Variants in TEX14 observed in about 807,000 individuals in gnomAD.
The protein encoded by TEX14 is testis expressed 14, intercellular bridge forming factor, also known as inactive serine/threonine-protein kinase TEX14.
In TEX14, 168 loss-of-function variants were observed where a neutral mutation model predicts 178.6. That is an observed-to-expected ratio of 0.94 (90% CI 0.83 to 1.07). The LOEUF (loss-of-function observed/expected upper bound fraction) is 1.07. Among genes scored for constraint, TEX14 ranks in the 50% least tolerant of loss-of-function variants. The probability of loss-of-function intolerance (pLI) is 0.00; values close to 1 mark genes in which losing one functional copy is unlikely to be tolerated. For synonymous variants in TEX14, 626 were observed against 634.1 expected (o/e 0.99, Z 0.19); for missense variants, 1,730 against 1,753.6 (o/e 0.99, Z 0.24).
intron 1 of TEX14, among the ~76,000 whole-genome samples, chr17:58,683,762 C>T (rs903469762): frequency 1.3e-4 from 10 of 75,722 alleles, no homozygotes; most frequent in Middle Eastern, 0.017. Flanking sequence ...GACTCCAGCT[C>T]AAAAAAAAAA....
chr17:58,573,816 G>GC (rs1250339231), intron 22 of TEX14, among the ~76,000 whole-genome samples: 3 of 152,126 alleles, frequency 2.0e-5, no homozygotes, highest in Non-Finnish European at 2.9e-5. Context: ...ACCACACCTG[G>GC]CACCATAGAG....
At chr17:58,649,627 T>G (rs1222748332) in intron 2 of TEX14, among the ~76,000 whole-genome samples, 5 of 152,194 alleles carry the variant, frequency 3.3e-5, no homozygotes, top group African/African-American at 1.2e-4. Flanking sequence ...ATAAATGTCA[T>G]AATACTCTGA....
chr17:58,606,282 G>A (rs191850596), intron 10 of TEX14, among the ~76,000 whole-genome samples: 30 of 152,224 alleles, frequency 2.0e-4, no homozygotes, highest in African/African-American at 6.7e-4. Flanking sequence ...AGAAACACTC[G>A]GTGAGCCATA....
intron 1 of TEX14, among the ~76,000 whole-genome samples, chr17:58,652,261 G>GT: frequency 6.6e-6 from 1 of 152,058 alleles, no homozygotes; most frequent in Non-Finnish European, 1.5e-5. Flanking sequence ...ATTTGATATG[G>GT]TTTGGCTCCA....
chr17:58,557,661 T>G, intron 31 of TEX14, 138 bp downstream of exon 31: 1 of 641,804 alleles, frequency 1.6e-6, no homozygotes, highest in Non-Finnish European at 2.7e-6. Flanking sequence ...AACACTAACA[T>G]TTTAAAAATT....
intron 1 of TEX14, among the ~76,000 whole-genome samples, chr17:58,670,116 T>C (rs2047279663): frequency 6.6e-6 from 1 of 152,202 alleles, no homozygotes; most frequent in South Asian, 2.1e-4. Flanking sequence ...CTAACTTCTC[T>C]TCCCACGCTG....
At position 58,621,566 on chromosome 17, in the gene TEX14, A is replaced by C. The variant is rs1028838658; in HGVS notation, c.554+84T>G. On this transcript the variant is annotated intron_variant, in intron 5 of 31. Coordinates refer to ENST00000349033, the MANE Select transcript of TEX14 (RefSeq NM_031272.5). Reference sequence around the variant, plus strand: ...ATGCCAGAGGGCACTGATGTGGAGGAGCTGAGGCAACCCATGCTGCAGGGC... The same window carrying C: ...ATGCCAGAGGGCACTGATGTGGAGGCGCTGAGGCAACCCATGCTGCAGGGC... 135 of 1,402,410 alleles carry C rather than the reference A, an allele frequency of 9.6e-5. No homozygotes were observed. The Admixed American group carries it at 2.7e-3, about 28-fold the overall frequency. The allele number at this position is 1,402,410 out of a possible 1,614,324, so 86.9% of individuals were successfully genotyped here. A position where few individuals can be genotyped will look rare whatever the true frequency, so the allele number is the denominator to read the frequency against.
chr17:58,688,807 C>T, intron 1 of TEX14, among the ~76,000 whole-genome samples: 1 of 151,744 alleles, frequency 6.6e-6, no homozygotes, highest in South Asian at 2.1e-4. Flanking sequence ...AACATATTCC[C>T]GGGGGGGGTT....
chr17:58,639,883 A>C (rs2046533321), intron 2 of TEX14, among the ~76,000 whole-genome samples: 1 of 152,222 alleles, frequency 6.6e-6, no homozygotes, highest in South Asian at 2.1e-4. Flanking sequence ...GCATTTAAGA[A>C]AAAGAACTCT....
At chr17:58,653,627 A>G (rs2046885472) in intron 1 of TEX14, among the ~76,000 whole-genome samples, 2 of 152,180 alleles carry the variant, frequency 1.3e-5, no homozygotes, top group Non-Finnish European at 2.9e-5. Flanking sequence ...GAGACGTTTG[A>G]GGTCTCTTTC....
At chr17:58,632,156 A>C (rs2046336015) in intron 2 of TEX14, among the ~76,000 whole-genome samples, 1 of 152,252 alleles carries the variant, frequency 6.6e-6, no homozygotes. Flanking sequence ...CGTCAGGGAA[A>C]CTGCCCGGTT....
chr17:58,587,780 C>G (rs1223874989), intron 16 of TEX14, 114 bp from the exon 17 acceptor site: 5 of 1,158,646 alleles, frequency 4.3e-6, no homozygotes, highest in Non-Finnish European at 6.4e-6. Context: ...AGGACCTGTT[C>G]CCTACTCCCT....
chr17:58,575,815 CTTG>C (rs1394361257), intron 21 of TEX14, among the ~76,000 whole-genome samples: 1 of 152,208 alleles, frequency 6.6e-6, no homozygotes, highest in Non-Finnish European at 1.5e-5. Context: ...AAAGAAGAAA[CTTG>C]TTGTTTTAAA....
chr17:58,579,581 C>T, intron 20 of TEX14, 84 bp downstream of exon 20: 3 of 1,153,004 alleles, frequency 2.6e-6, no homozygotes, highest in Non-Finnish European at 3.9e-6. Flanking sequence ...CCCTCAGGAT[C>T]CCCCCAGCTC....
At chr17:58,566,472 C>T (rs887424214) in intron 26 of TEX14, among the ~76,000 whole-genome samples, 2 of 152,106 alleles carry the variant, frequency 1.3e-5, no homozygotes, top group African/African-American at 4.8e-5. Flanking sequence ...CTCTATTCAC[C>T]TATATTTCAT....
chr17:58,575,392 A>T (rs768472719), intron 21 of TEX14, among the ~76,000 whole-genome samples: 11 of 152,236 alleles, frequency 7.2e-5, no homozygotes, highest in Non-Finnish European at 1.5e-4. Flanking sequence ...CTAAGATTAC[A>T]GGTGTGAGCC....
At chr17:58,666,216 G>A (rs936699090) in intron 1 of TEX14, among the ~76,000 whole-genome samples, 1 of 151,792 alleles carries the variant, frequency 6.6e-6, no homozygotes, top group South Asian at 2.1e-4. Flanking sequence ...GGTGGTGCAT[G>A]CCTGTAATGT....
chr17:58,684,407 A>G (rs2047556018), intron 1 of TEX14, among the ~76,000 whole-genome samples: 2 of 151,526 alleles, frequency 1.3e-5, no homozygotes, highest in Admixed American at 6.6e-5. Context: ...GGTTGGAGTG[A>G]GCTGAGATCA....
chr17:58,689,515 G>A (rs897760666), intron 1 of TEX14, among the ~76,000 whole-genome samples: 1 of 152,058 alleles, frequency 6.6e-6, no homozygotes, highest in Non-Finnish European at 1.5e-5. Flanking sequence ...CACCGTGCCC[G>A]GCCTACCCCA....
Sources: allele counts gnomAD v4.1 joint callset (sites outside exome capture counted in the v4.1 genomes callset), GRCh38; gene constraint gnomAD v4.1.1; transcripts MANE v1.5; gene names NCBI Gene and HGNC (gene_info 2026-07-23, HGNC 2026-07-21).